ERC2: variants seen among roughly 807,000 people sequenced by gnomAD.
ERC2 encodes ERC protein 2.
ERC2 carries 42 observed loss-of-function variants against 114.8 expected under a neutral mutation model. That is an observed-to-expected ratio of 0.37 (90% CI 0.29 to 0.47). The LOEUF (loss-of-function observed/expected upper bound fraction) is 0.47. ERC2 is among the 20% of genes least tolerant of loss of function. The probability of loss-of-function intolerance (pLI) is 0.99; values close to 1 mark genes in which losing one functional copy is unlikely to be tolerated. For synonymous variants in ERC2, 454 were observed against 425.5 expected, an observed-to-expected ratio of 1.07 and a Z score of -0.82; for missense variants, 939 against 1,150.7, an observed-to-expected ratio of 0.82 and a Z score of 2.66.
Position 56,247,779 on chromosome 3 carries a change from C to G in ERC2, c.1074+48240G>C, listed in dbSNP as rs114380262. 6.3e-3 allele frequency among the ~76,000 whole-genome samples: 959 copies of G among 152,302 alleles called. 12 individuals are homozygous for G. Among genetic ancestry groups the G allele is most frequent in the African/African-American group, 0.022 (925 of 41,556 alleles). The stretch of plus-strand genomic sequence containing the variant: ...GTACAGACTGCAAGCTCCTGGACCC[C>G]TGAGTTAATCAGCTCTTCTACCAGC... On this transcript the variant is annotated intron_variant, in intron 3 of 17. Transcript: ENST00000288221.
chr3:55,932,093 T>G (rs1211038385), intron 13 of ERC2, among the ~76,000 whole-genome samples: 2 of 152,300 alleles, frequency 1.3e-5, no homozygotes, highest in East Asian at 3.9e-4. Flanking sequence ...ATATTTCATA[T>G]CCAACTTCCA....
intron 5 of ERC2, among the ~76,000 whole-genome samples, chr3:56,145,418 A>G (rs1369555938): frequency 3.3e-5 from 5 of 152,210 alleles, no homozygotes; most frequent in Non-Finnish European, 7.3e-5. Context: ...TCCCTACCAG[A>G]AAAACAATTA....
intron 3 of ERC2, among the ~76,000 whole-genome samples, chr3:56,249,407 G>A (rs1416579866): frequency 6.6e-6 from 1 of 151,598 alleles, no homozygotes; most frequent in African/African-American, 2.4e-5. Flanking sequence ...CTCACTGCAA[G>A]CTCCGCCTCC....
At chr3:56,326,969 A>C (rs2057389337) in intron 2 of ERC2, among the ~76,000 whole-genome samples, 1 of 152,184 alleles carries the variant, frequency 6.6e-6, no homozygotes, top group Non-Finnish European at 1.5e-5. Context: ...CACTTATATT[A>C]AGAGCTCAAG....
At chr3:56,064,789 T>C (rs1356409410) in intron 7 of ERC2, among the ~76,000 whole-genome samples, 2 of 152,146 alleles carry the variant, frequency 1.3e-5, no homozygotes, top group East Asian at 3.9e-4. Context: ...TACACCAGAG[T>C]TGAGCAAACT....
At chr3:55,764,972 C>T (rs777540877) in intron 14 of ERC2, among the ~76,000 whole-genome samples, 5 of 152,106 alleles carry the variant, frequency 3.3e-5, no homozygotes, top group Non-Finnish European at 7.3e-5. Flanking sequence ...CCAAATTATA[C>T]AGCTCTTCAA....
chr3:56,217,798 C>A (rs1008782078), intron 3 of ERC2, among the ~76,000 whole-genome samples: 3 of 152,134 alleles, frequency 2.0e-5, no homozygotes, highest in African/African-American at 7.2e-5. Flanking sequence ...GATTTATAGA[C>A]CAATGGAACA....
intron 1 of ERC2, among the ~76,000 whole-genome samples, chr3:56,447,389 G>A (rs533941388): frequency 3.9e-4 from 59 of 152,334 alleles, no homozygotes; most frequent in African/African-American, 1.3e-3. Flanking sequence ...CGCTCGCTCT[G>A]GGGCTGTGTA....
Position 55,572,647 on chromosome 3 carries a change from C to T in ERC2, c.*40-61371G>A, listed in dbSNP as rs745810743. On this transcript the variant is annotated intron_variant, in intron 17 of 17. Transcript: ENST00000288221. ...CCATTTTCAGATGGGAACACAGATT[C>T]TGACTGGGGCTGGGGGACTTGCCTA... 3.9e-4 allele frequency among the ~76,000 whole-genome samples: 59 copies of T among 152,318 alleles called. No individual in the cohort carries two copies. In the Middle Eastern group the frequency reaches 0.02, roughly 53 times the overall value.
At chr3:56,026,204 C>G (rs1449517825) in intron 7 of ERC2, among the ~76,000 whole-genome samples, 1 of 151,774 alleles carries the variant, frequency 6.6e-6, no homozygotes, top group African/African-American at 2.4e-5. Context: ...TGTGCACTAC[C>G]ACGCCCAGCT....
intron 7 of ERC2, among the ~76,000 whole-genome samples, chr3:56,026,630 G>A (rs924673773): frequency 1.3e-5 from 2 of 152,078 alleles, no homozygotes; most frequent in African/African-American, 4.8e-5. Flanking sequence ...ATTTTATTTT[G>A]AGATAATTGA....
intron 13 of ERC2, among the ~76,000 whole-genome samples, chr3:55,938,942 A>AT (rs201923219): frequency 6.6e-6 from 1 of 152,168 alleles, no homozygotes; most frequent in Non-Finnish European, 1.5e-5. Flanking sequence ...ACAGTCATCA[A>AT]TTTTTTTAAA....
chr3:55,986,973 T>C (rs994427635), intron 11 of ERC2, among the ~76,000 whole-genome samples: 1 of 151,748 alleles, frequency 6.6e-6, no homozygotes, highest in Non-Finnish European at 1.5e-5. Flanking sequence ...TTCCATACTA[T>C]AAAAAAGTAG....
chr3:55,625,494 G>A (rs1223897250), intron 17 of ERC2, among the ~76,000 whole-genome samples: 1 of 151,950 alleles, frequency 6.6e-6, no homozygotes, highest in Admixed American at 6.5e-5. Context: ...GCTCACGCCT[G>A]TAATCCCAGC....
At chr3:55,692,923 T>C (rs1317640361) in intron 16 of ERC2, among the ~76,000 whole-genome samples, 2 of 152,236 alleles carry the variant, frequency 1.3e-5, no homozygotes, top group African/African-American at 4.8e-5. Context: ...ATGGGTTCTT[T>C]AGTAACCAAG....
intron 3 of ERC2, among the ~76,000 whole-genome samples, chr3:56,269,585 A>G (rs968933127): frequency 1.3e-5 from 2 of 152,180 alleles, no homozygotes; most frequent in Non-Finnish European, 2.9e-5. Flanking sequence ...GAACTAGGGG[A>G]AAAAAACACA....
chr3:56,018,783 G>C (rs2073494344), intron 8 of ERC2, 111 bp downstream of exon 8: 10 of 1,212,360 alleles, frequency 8.2e-6, no homozygotes, highest in Non-Finnish European at 1.0e-5. Context: ...TGGGACTAAA[G>C]GTAGTGTTAG....
intron 14 of ERC2, among the ~76,000 whole-genome samples, chr3:55,835,339 T>G (rs1232126740): frequency 6.6e-6 from 1 of 152,258 alleles, no homozygotes; most frequent in Non-Finnish European, 1.5e-5. Flanking sequence ...TGAACATTGA[T>G]GCAAAAATCC....
chr3:56,091,442 T>C (rs568092633), intron 6 of ERC2, among the ~76,000 whole-genome samples: 1 of 152,142 alleles, frequency 6.6e-6, no homozygotes. Flanking sequence ...TAGGCATATA[T>C]AGTTTGAGAT....
Sources: gnomAD v4.1 joint callset for allele counts (sites outside exome capture counted in the v4.1 genomes callset) on GRCh38, gnomAD v4.1.1 for gene constraint, MANE v1.5 for transcripts, NCBI Gene and HGNC (gene_info 2026-07-23, HGNC 2026-07-21) for gene names.